Variants in LRRC24 observed in about 807,000 individuals in gnomAD.
LRRC24 encodes leucine rich repeat containing 24.
Under a neutral mutation model 15.3 loss-of-function variants are expected in LRRC24, and 19 were observed. That is an observed-to-expected ratio of 1.25 (90% CI 0.87 to 1.83). The LOEUF (loss-of-function observed/expected upper bound fraction) is 1.83, where lower values mean the gene tolerates loss of function less well. Among genes scored for constraint, LRRC24 ranks in the 40% most tolerant of loss-of-function variants. The pLI, the probability that LRRC24 is intolerant of heterozygous loss-of-function variation, is 0.00. For missense variants in LRRC24, 914 were observed against 723.9 expected (o/e 1.26, Z -3.01); for synonymous variants, 469 against 359.6 (o/e 1.30, Z -3.44).
At chr8:144,526,875 G>C (rs1046800191) in intron 1 of LRRC24, 85 bp downstream of exon 1, 2 of 152,226 alleles carry the variant, frequency 1.3e-5, no homozygotes, top group Non-Finnish European at 2.9e-5. Flanking sequence ...CGCCCTTCTC[G>C]GAGCGCACCA....
chr8:144,524,609 C>T lies in LRRC24; in HGVS notation c.270G>A (p.Glu90=), dbSNP rs760858349. Residue 90 remains glutamate (E), a synonymous_variant, in exon 3 of 5, where the codon GAG becomes GAA. Coordinates refer to ENST00000529415, the MANE Select transcript of LRRC24 (RefSeq NM_001024678.4). ...GCGGCTGCGCGCGGAAGGCGCCGGC[C>T]TCCAGGGCGCGCAGGCTGTTGTTGT... ...YLHNNSLRAL[E]AGAFRAQPRL... is the part of the protein sequence containing the mutation. 2.6e-5 allele frequency: 40 copies of T among 1,525,212 alleles called. No individual in the cohort carries two copies. Among genetic ancestry groups the T allele is most frequent in the Non-Finnish European group, 3.4e-5 (39 of 1,144,646 alleles). The allele number at this position is 1,525,212 out of a possible 1,614,324, so 94.5% of individuals were successfully genotyped here.
In LRRC24 at chr8:144,524,621, C is replaced by G; in HGVS notation, c.258G>C (p.Leu86=). The stretch of plus-strand genomic sequence containing the variant: ...GGAAGGCGCCGGCCTCCAGGGCGCG[C>G]AGGCTGTTGTTGTGCAGGTAGAGCC... ...LRRLYLHNNS[L]RALEAGAFRA... The change falls in exon 3 of 5, where the codon CTG becomes CTC. Residue 86 remains leucine (L), a synonymous_variant. Transcript: ENST00000529415. 3.3e-6 allele frequency: 5 copies of G among 1,523,722 alleles called. No homozygotes were observed. The highest frequency in any genetic ancestry group is 2.8e-5 in the African/African-American group (2 of 71,514). 94.4% of individuals were successfully genotyped at this position (1,523,722 alleles called of 1,614,324 possible).
Position 144,522,488 on chromosome 8 carries a change from T to G in LRRC24, c.1529A>C (p.Glu510Ala). The G allele has an allele frequency of 1.3e-6, 2 of 1,491,340 alleles. No individual in the cohort carries two copies. Among genetic ancestry groups the G allele is most frequent in the South Asian group, 1.3e-5 (1 of 76,676 alleles). The allele number at this position is 1,491,340 out of a possible 1,614,324, so 92.4% of individuals were successfully genotyped here. The change falls in exon 5 of 5, where the codon GAG (glutamate) becomes GCG (alanine). Residue 510 changes from glutamate (E) to alanine (A), a missense_variant. Glu to Ala is a moderately radical substitution (Grantham distance 107, BLOSUM62 -1). Coordinates refer to ENST00000529415, the MANE Select transcript of LRRC24 (RefSeq NM_001024678.4). ...GCGCCCGCGGCCCTAGCAGTGGATCTCGTAGGCGACCGGCGGGGGCACGCG... is the reference window on the plus strand; with the variant it reads ...GCGCCCGCGGCCCTAGCAGTGGATCGCGTAGGCGACCGGCGGGGGCACGCG... ...GLRVPPPVAY[E>A]IHC is the part of the protein sequence containing the mutation.
Position 144,524,487 on chromosome 8 carries a change from C to T in LRRC24, c.392G>A (p.Gly131Asp). 6.3e-7 allele frequency: 1 copy of T among 1,597,562 alleles called. No individual in the cohort carries two copies. The highest frequency in any genetic ancestry group is 2.2e-5 in the East Asian group (1 of 44,850). Residue 131 changes from glycine (G) to aspartate (D), a missense_variant, in exon 3 of 5, where the codon GGC becomes GAC. Transcript: ENST00000529415. ...ATCCAGCAGCCGCGCCAGCTGGTTGCCCGCCAGGTAGAGCACGCGCAGCTG... is the reference window on the plus strand; with the variant it reads ...ATCCAGCAGCCGCGCCAGCTGGTTGTCCGCCAGGTAGAGCACGCGCAGCTG... Reference protein sequence around the residue: ...LAQLRVLYLAGNQLARLLDFT... With the variant: ...LAQLRVLYLADNQLARLLDFT...
rs765644224 is a variant in LRRC24 at position 144,524,645 on chromosome 8, C to A, written c.234G>T (p.Arg78=). 1.3e-6 allele frequency: 2 copies of A among 1,511,578 alleles called. No individual in the cohort carries two copies. Among genetic ancestry groups the A allele is most frequent in the Non-Finnish European group, 1.8e-6 (2 of 1,138,760 alleles). The allele number at this position is 1,511,578 out of a possible 1,614,324, so 93.6% of individuals were successfully genotyped here. A position where few individuals can be genotyped will look rare whatever the true frequency, so the allele number is the denominator to read the frequency against. ...GALAPLAALR[R]LYLHNNSLRA... ...GCAGGCTGTTGTTGTGCAGGTAGAG[C>A]CGGCGCAGAGCGGCGAGTGGCGCCA... The change falls in exon 3 of 5, where the codon CGG becomes CGT. Residue 78 remains arginine (R), a synonymous_variant. Coordinates refer to ENST00000529415, the MANE Select transcript of LRRC24 (RefSeq NM_001024678.4).
In LRRC24 at chr8:144,524,998, G is replaced by A; in HGVS notation, c.-24C>T. The A allele has an allele frequency of 7.0e-7, 1 of 1,427,026 alleles. No individual in the cohort carries two copies. Among genetic ancestry groups the A allele is most frequent in the South Asian group, 1.4e-5 (1 of 69,178 alleles). The allele number at this position is 1,427,026 out of a possible 1,614,324, so 88.4% of individuals were successfully genotyped here. On this transcript the variant is annotated 5_prime_UTR_variant, in exon 2 of 5. Transcript: ENST00000529415. ...ATCTCCCGAGGCCCGGTTCCTCACC[G>A]GCCCTTCCGCGGTTCAGCCGCAGAC...
Position 144,527,032 on chromosome 8 carries a change from AG to A in LRRC24, c.-133del, listed in dbSNP as rs975362299. 1 of 156,526 alleles carries A rather than the reference AG, an allele frequency of 6.4e-6. No homozygotes were observed. Among genetic ancestry groups the A allele is most frequent in the Non-Finnish European group, 1.4e-5 (1 of 71,246 alleles). The allele number at this position is 156,526 out of a possible 1,614,324, so 9.7% of individuals were successfully genotyped here. A position where few individuals can be genotyped will look rare whatever the true frequency, so the allele number is the denominator to read the frequency against. ...GGGCCCGAGCAGTCGCCGGGCTGGG[AG>A]GGGGCGGGGGACGCTCGCGCACGCG... On this transcript the variant is annotated 5_prime_UTR_variant, in exon 1 of 5. Coordinates refer to ENST00000529415, the MANE Select transcript of LRRC24 (RefSeq NM_001024678.4).
Position 144,522,653 on chromosome 8 carries a change from G to T in LRRC24, c.1364C>A (p.Thr455Lys). 1.3e-6 allele frequency: 2 copies of T among 1,590,474 alleles called. No homozygotes were observed. Residue 455 changes from threonine (T) to lysine (K), a missense_variant, in exon 5 of 5, where the codon ACG becomes AAG. By Grantham distance (78) the Thr-to-Lys change is moderately conservative. Transcript: ENST00000529415. ...GCGGAGCTCCTCTAGCTGTGCGAACGTACAGGGGCCGTCCAAGTAGTCGTT... is the reference window on the plus strand; with the variant it reads ...GCGGAGCTCCTCTAGCTGTGCGAACTTACAGGGGCCGTCCAAGTAGTCGTT... ...FVNDYLDGPC[T>K]FAQLEELRDE...
At position 144,522,884 on chromosome 8, in the gene LRRC24, G is replaced by A. The variant is rs1033135552; in HGVS notation, c.1133C>T (p.Pro378Leu). ...QPQQPAQPPPPAARPAGSEPR... is the reference protein window; with the variant it reads ...QPQQPAQPPPLAARPAGSEPR... ...CTCGCTGCCGGCGGGGCGGGCGGCC[G>A]GAGGCGGCGGTTGCGCGGGCTGCTG... The change falls in exon 5 of 5, where the codon CCG becomes CTG. Residue 378 changes from proline to leucine, a missense_variant. Transcript: ENST00000529415. 27 of 1,269,930 alleles carry A rather than the reference G, an allele frequency of 2.1e-5. No homozygotes were observed. In the Admixed American group the frequency reaches 6.7e-4, roughly 32 times the overall value. The allele number at this position is 1,269,930 out of a possible 1,614,324, so 78.7% of individuals were successfully genotyped here. A position where few individuals can be genotyped will look rare whatever the true frequency, so the allele number is the denominator to read the frequency against.
Position 144,523,207 on chromosome 8 carries a change from T to A in LRRC24, c.810A>T (p.Thr270=), listed in dbSNP as rs368396778. 1.1e-5 allele frequency: 17 copies of A among 1,609,458 alleles called. No individual in the cohort carries two copies. Among genetic ancestry groups the A allele is most frequent in the Non-Finnish European group, 1.2e-5 (14 of 1,178,538 alleles). ...PSVHVQPLEL[T]ANLGEDLRVA... ...CCCGCAGGTCCTCACCCAGGTTGGC[T>A]GTGAGCTCCAGCGGCTGCACGTGGA... Residue 270 remains threonine, a synonymous_variant, in exon 5 of 5, where the codon ACA becomes ACT. Coordinates refer to ENST00000529415, the MANE Select transcript of LRRC24 (RefSeq NM_001024678.4).
In LRRC24 at chr8:144,522,916, C is replaced by T. The variant is rs765310992; in HGVS notation, c.1101G>A (p.Gln367=). The change falls in exon 5 of 5, where the codon CAG becomes CAA. Residue 367 remains glutamine, a synonymous_variant. Transcript: ENST00000529415. ...PFRLLVNASR[Q]QPQQPAQPPP... is the part of the protein sequence containing the mutation. ...GCGGTTGCGCGGGCTGCTGCGGCTGCTGCCGGGACGCGTTGACCAGGAGCC... is the reference window on the plus strand; with the variant it reads ...GCGGTTGCGCGGGCTGCTGCGGCTGTTGCCGGGACGCGTTGACCAGGAGCC... 2 of 1,413,366 alleles carry T rather than the reference C, an allele frequency of 1.4e-6. 1 individual carries two copies. The highest frequency in any genetic ancestry group is 3.1e-5 in the South Asian group (2 of 64,914). The allele number at this position is 1,413,366 out of a possible 1,614,324, so 87.6% of individuals were successfully genotyped here. A position where few individuals can be genotyped will look rare whatever the true frequency, so the allele number is the denominator to read the frequency against.
At chr8:144,525,235 G>C (rs562517170) in intron 1 of LRRC24, 6 of 351,628 alleles carry the variant, frequency 1.7e-5, no homozygotes, top group African/African-American at 1.3e-4. Context: ...GGTGTCCTCA[G>C]TGTCTTCACA....
rs1252626655 is a variant in LRRC24, at chr8:144,525,030, C to T, written c.-56G>A. ...CCGCGGTTCAGCCGCAGACGCGTGC[C>T]CTCCTGAAACACAGGTTGGCAGGCC... On this transcript the variant is annotated 5_prime_UTR_variant, in exon 2 of 5. Coordinates refer to ENST00000529415, the MANE Select transcript of LRRC24 (RefSeq NM_001024678.4). The T allele has an allele frequency of 5.1e-6, 7 of 1,376,218 alleles. No individual in the cohort carries two copies. The highest frequency in any genetic ancestry group is 2.9e-5 in the East Asian group (1 of 34,824). 85.3% of individuals were successfully genotyped at this position (1,376,218 alleles called of 1,614,324 possible).
At chr8:144,525,516 C>T (rs1183612403) in intron 1 of LRRC24, among the ~76,000 whole-genome samples, 3 of 152,146 alleles carry the variant, frequency 2.0e-5, no homozygotes, top group Middle Eastern at 3.2e-3. Context: ...TGGGCAGACA[C>T]GCCTCCTTGT....
At position 144,522,940 on chromosome 8, in the gene LRRC24, C is replaced by T. The variant is rs1816181088; in HGVS notation, c.1077G>A (p.Arg359=). ...GCTGCCGGGACGCGTTGACCAGGAGCCGGAAGGGCACGCGGGCAGCGCCGC... is the reference window on the plus strand; with the variant it reads ...GCTGCCGGGACGCGTTGACCAGGAGTCGGAAGGGCACGCGGGCAGCGCCGC... The part of the protein sequence containing the change: ...NAGGAARVPF[R]LLVNASRQQP... The change falls in exon 5 of 5, where the codon CGG becomes CGA. Residue 359 remains arginine (R), a synonymous_variant. Transcript: ENST00000529415. 2 of 1,556,536 alleles carry T rather than the reference C, an allele frequency of 1.3e-6. No individual in the cohort carries two copies. Among genetic ancestry groups the T allele is most frequent in the Non-Finnish European group, 1.7e-6 (2 of 1,160,606 alleles).
intron 4 of LRRC24, chr8:144,523,840 C>T: frequency 2.1e-6 from 1 of 484,556 alleles, no homozygotes; most frequent in Non-Finnish European, 3.6e-6. Context: ...GCAATTTTGT[C>T]TGCCTCCCCT....
intron 3 of LRRC24, 39 bp from the exon 4 acceptor site, chr8:144,524,317 C>A: frequency 6.2e-7 from 1 of 1,604,466 alleles, no homozygotes; most frequent in South Asian, 1.1e-5. Context: ...AAAAGGGCGC[C>A]GAGGTTGGGG....
chr8:144,526,676 CTG>C, intron 1 of LRRC24: 1 of 152,400 alleles, frequency 6.6e-6, no homozygotes, highest in East Asian at 1.9e-4. Flanking sequence ...ATGGAACGCC[CTG>C]TGTCTGCCTC....
Position 144,522,535 on chromosome 8 carries a change from T to C in LRRC24, c.1482A>G (p.Glu494=), listed in dbSNP as rs1218668487. The C allele has an allele frequency of 6.6e-6, 10 of 1,524,568 alleles. No homozygotes were observed. The highest frequency in any genetic ancestry group is 1.7e-4 in the Middle Eastern group (1 of 5,746). 94.4% of individuals were successfully genotyped at this position (1,524,568 alleles called of 1,614,324 possible). Residue 494 remains glutamate (E), a synonymous_variant, in exon 5 of 5, where the codon GAA becomes GAG. Coordinates refer to ENST00000529415, the MANE Select transcript of LRRC24 (RefSeq NM_001024678.4). The stretch of plus-strand genomic sequence containing the variant: ...CGCGGAGTCCCGGCCCCGCCCCCTG[T>C]TCCGGGCCGCAGTCAGCGGGCGCCT... The part of the protein sequence containing the change: ...PAEAPADCGP[E]QGAGPGLRVP...
Sources: allele counts gnomAD v4.1 joint callset (sites outside exome capture counted in the v4.1 genomes callset), GRCh38; gene constraint gnomAD v4.1.1; transcripts MANE v1.5; gene names NCBI Gene and HGNC (gene_info 2026-07-23, HGNC 2026-07-21).